ZMAT4: variants seen among roughly 807,000 people sequenced by gnomAD.
The protein encoded by ZMAT4 is zinc finger matrin-type 4.
In ZMAT4, 17 loss-of-function variants were observed where a neutral mutation model predicts 28.7. The observed-to-expected ratio is 0.59, with a 90% CI of 0.41 to 0.89. The LOEUF (loss-of-function observed/expected upper bound fraction) is 0.89. Ranked by LOEUF, ZMAT4 falls within the 40% of genes least tolerant of loss-of-function variation. ZMAT4 has a pLI of 0.00. For missense variants in ZMAT4, 240 were observed against 283.8 expected (o/e 0.85, Z 1.11); for synonymous variants, 117 against 109.2 (o/e 1.07, Z -0.44).
At chr8:40,745,649 AGATG>A (rs1400048419) in intron 3 of ZMAT4, among the ~76,000 whole-genome samples, 3 of 152,204 alleles carry the variant, frequency 2.0e-5, no homozygotes, top group Non-Finnish European at 2.9e-5. Flanking sequence ...AGAGGACGGC[AGATG>A]GCACATTCCT....
chr8:40,786,863 C>T, intron 2 of ZMAT4: 1 of 506,140 alleles, frequency 2.0e-6, no homozygotes, highest in African/African-American at 2.0e-5. Context: ...TCTAGGCCCA[C>T]AAAGAGTAAC....
At chr8:40,789,625 G>A (rs1363579595) in intron 2 of ZMAT4, among the ~76,000 whole-genome samples, 1 of 152,166 alleles carries the variant, frequency 6.6e-6, no homozygotes, top group Non-Finnish European at 1.5e-5. Context: ...CATTTACCCT[G>A]ATGTAATTAC....
chr8:40,752,890 A>G (rs1449160940), intron 3 of ZMAT4, among the ~76,000 whole-genome samples: 1 of 151,440 alleles, frequency 6.6e-6, no homozygotes, highest in Non-Finnish European at 1.5e-5. Context: ...TTTTTTTTTA[A>G]TTTTACTTTA....
At chr8:40,886,540 C>G (rs934018932) in intron 1 of ZMAT4, among the ~76,000 whole-genome samples, 6 of 152,196 alleles carry the variant, frequency 3.9e-5, no homozygotes, top group Admixed American at 3.9e-4. Context: ...GGGTGATGAC[C>G]AAATGCTTAA....
At chr8:40,536,097 A>C (rs1478806886) in intron 6 of ZMAT4, among the ~76,000 whole-genome samples, 1 of 152,188 alleles carries the variant, frequency 6.6e-6, no homozygotes, top group Non-Finnish European at 1.5e-5. Flanking sequence ...TGGGCCCATA[A>C]ATTAAAATAG....
At chr8:40,888,804 C>G (rs1818563151) in intron 1 of ZMAT4, among the ~76,000 whole-genome samples, 1 of 152,234 alleles carries the variant, frequency 6.6e-6, no homozygotes, top group South Asian at 2.1e-4. Flanking sequence ...CCCAAAGTCC[C>G]TGCTGTAAAT....
At chr8:40,690,894 A>G (rs1809634530) in intron 4 of ZMAT4, 1 of 984,858 alleles carries the variant, frequency 1.0e-6, no homozygotes, top group South Asian at 4.7e-5. Context: ...CAATACATGC[A>G]ATGAATGAGA....
At chr8:40,749,338 T>C (rs767609460) in intron 3 of ZMAT4, among the ~76,000 whole-genome samples, 1 of 152,230 alleles carries the variant, frequency 6.6e-6, no homozygotes, top group African/African-American at 2.4e-5. Flanking sequence ...GATTATCATA[T>C]TTATTCTTTA....
chr8:40,546,375 A>T (rs1014368659), intron 6 of ZMAT4, among the ~76,000 whole-genome samples: 2 of 152,056 alleles, frequency 1.3e-5, no homozygotes, highest in African/African-American at 4.8e-5. Flanking sequence ...GACGTACCAG[A>T]GCTCAACTCT....
intron 6 of ZMAT4, among the ~76,000 whole-genome samples, chr8:40,535,787 A>G (rs551518687): frequency 6.6e-6 from 1 of 152,338 alleles, no homozygotes; most frequent in East Asian, 1.9e-4. Flanking sequence ...AGAGAAATAT[A>G]TAATGATTAA....
At chr8:40,883,758 T>C (rs1050446411) in intron 1 of ZMAT4, among the ~76,000 whole-genome samples, 1 of 152,196 alleles carries the variant, frequency 6.6e-6, no homozygotes, top group Non-Finnish European at 1.5e-5. Flanking sequence ...TATTGCCACC[T>C]GTCTGACTTC....
At chr8:40,763,999 C>T (rs4999665) in intron 3 of ZMAT4, among the ~76,000 whole-genome samples, 24,138 of 151,396 alleles carry the variant, frequency 0.16, 3,050 homozygotes, top group East Asian at 0.6. Flanking sequence ...AAAAAAAAAA[C>T]CCAGGTAAAA....
chr8:40,581,160 C>G lies in ZMAT4; in HGVS notation c.674+5G>C. 1 of 1,611,168 alleles carries G rather than the reference C, an allele frequency of 6.2e-7. No individual in the cohort carries two copies. The highest frequency in any genetic ancestry group is 2.2e-5 in the East Asian group (1 of 44,762). On this transcript the variant is annotated splice_donor_5th_base_variant and intron_variant, in intron 6 of 6. Transcript: ENST00000297737. ...ACTGAAGAGTGAAAGCACAAAAGTA[C>G]CTACTTGGTCTGGTGTTTAGATCCT... is the stretch of plus-strand genomic sequence containing the variant.
intron 3 of ZMAT4, among the ~76,000 whole-genome samples, chr8:40,736,275 GC>G (rs2150530413): frequency 6.6e-6 from 1 of 152,288 alleles, no homozygotes; most frequent in South Asian, 2.1e-4. Flanking sequence ...GCTGCAAACA[GC>G]TCACCAGGAA....
chr8:40,762,492 AT>A lies in ZMAT4; in HGVS notation c.192+5148del, dbSNP rs879392461. Among the ~76,000 whole-genome samples, 894 of 149,022 alleles carry A rather than the reference AT, an allele frequency of 6.0e-3. 5 individuals carry two copies. Among genetic ancestry groups the A allele is most frequent in the Non-Finnish European group, 9.9e-3 (666 of 66,970 alleles). On this transcript the variant is annotated intron_variant, in intron 3 of 6. Coordinates refer to ENST00000297737, the MANE Select transcript of ZMAT4 (RefSeq NM_024645.3). ...AAACAGCAAGATCCCATCTCTACAA[AT>A]TTTTTTTTTTAAATTAGCCAGGTAT...
chr8:40,727,795 G>A (rs878879547), intron 3 of ZMAT4, among the ~76,000 whole-genome samples: 19 of 147,268 alleles, frequency 1.3e-4, no homozygotes, highest in Admixed American at 3.4e-4. Flanking sequence ...TATCTCTCTC[G>A]ATCTTAAGAG....
At chr8:40,602,174 T>C (rs1410074634) in intron 5 of ZMAT4, among the ~76,000 whole-genome samples, 1 of 152,186 alleles carries the variant, frequency 6.6e-6, no homozygotes. Context: ...TCCATCCAGG[T>C]TGCGCGAATG....
At chr8:40,622,147 C>T (rs754176308) in intron 5 of ZMAT4, among the ~76,000 whole-genome samples, 7 of 152,132 alleles carry the variant, frequency 4.6e-5, no homozygotes, top group Non-Finnish European at 7.4e-5. Context: ...TGAAAAATGA[C>T]CTGGTAATTC....
chr8:40,610,732 G>GT (rs1805763513), intron 5 of ZMAT4, among the ~76,000 whole-genome samples: 1 of 151,260 alleles, frequency 6.6e-6, no homozygotes. Context: ...CCTTGAGACT[G>GT]TAAAAAAAAA....
Sources: allele counts gnomAD v4.1 joint callset (sites outside exome capture counted in the v4.1 genomes callset), GRCh38; gene constraint gnomAD v4.1.1; transcripts MANE v1.5; gene names NCBI Gene and HGNC (gene_info 2026-07-23, HGNC 2026-07-21).